NEGR1: variants seen among roughly 807,000 people sequenced by gnomAD.
NEGR1 encodes the protein IgLON family member 4.
Under a neutral mutation model 40.9 loss-of-function variants are expected in NEGR1, and 10 were observed. The observed-to-expected ratio is 0.24, with a 90% confidence interval of 0.15 to 0.42. The LOEUF (loss-of-function observed/expected upper bound fraction) is 0.42, where lower values mean the gene tolerates loss of function less well. NEGR1 is among the 10% of genes least tolerant of loss of function. The probability of loss-of-function intolerance (pLI) is 1.00; values close to 1 mark genes in which losing one functional copy is unlikely to be tolerated. For synonymous variants in NEGR1, 185 were observed against 166.8 expected, an observed-to-expected ratio of 1.11 and a Z score of -0.84; for missense variants, 352 against 438.9, an observed-to-expected ratio of 0.80 and a Z score of 1.77.
intron 1 of NEGR1, among the ~76,000 whole-genome samples, chr1:72,253,877 T>C (rs1018137344): frequency 1.3e-5 from 2 of 152,178 alleles, no homozygotes; most frequent in Admixed American, 6.6e-5. Flanking sequence ...AGATAATCAG[T>C]AAATAGACAC....
chr1:71,736,344 T>C (rs532561861), intron 3 of NEGR1, among the ~76,000 whole-genome samples: 1 of 152,280 alleles, frequency 6.6e-6, no homozygotes, highest in East Asian at 1.9e-4. Context: ...AAGAACTATT[T>C]TTTTCCTTTT....
At chr1:71,515,653 G>A (rs1647116898) in intron 6 of NEGR1, among the ~76,000 whole-genome samples, 1 of 120,358 alleles carries the variant, frequency 8.3e-6, no homozygotes, top group Non-Finnish European at 1.7e-5. Context: ...AGACTAGGAA[G>A]AAACTGCATG....
chr1:71,941,126 T>C (rs1270433081), intron 1 of NEGR1, among the ~76,000 whole-genome samples: 1 of 152,162 alleles, frequency 6.6e-6, no homozygotes, highest in African/African-American at 2.4e-5. Flanking sequence ...TTTACTGCTG[T>C]CTCTTCATTG....
intron 2 of NEGR1, among the ~76,000 whole-genome samples, chr1:71,862,855 C>A (rs189983687): frequency 6.6e-6 from 1 of 152,072 alleles, no homozygotes; most frequent in Non-Finnish European, 1.5e-5. Context: ...AGAAGGTCAA[C>A]GTCACTGATC....
At chr1:72,050,442 A>T (rs1647048564) in intron 1 of NEGR1, among the ~76,000 whole-genome samples, 1 of 151,582 alleles carries the variant, frequency 6.6e-6, no homozygotes, top group African/African-American at 2.4e-5. Context: ...TTTCACTGAA[A>T]GTACATTGCT....
chr1:71,610,442 G>T (rs1190489874), intron 5 of NEGR1, among the ~76,000 whole-genome samples: 3 of 152,134 alleles, frequency 2.0e-5, no homozygotes, highest in Non-Finnish European at 4.4e-5. Flanking sequence ...CAAGGTTTTT[G>T]GGTCTTCTCA....
chr1:71,456,405 G>T (rs1208749301), intron 6 of NEGR1, among the ~76,000 whole-genome samples: 1 of 152,096 alleles, frequency 6.6e-6, no homozygotes, highest in African/African-American at 2.4e-5. Context: ...ATCACACCTG[G>T]CCTCAGTAAG....
chr1:72,043,449 G>A (rs894832605), intron 1 of NEGR1, among the ~76,000 whole-genome samples: 75 of 151,428 alleles, frequency 5.0e-4, no homozygotes, highest in Middle Eastern at 3.4e-3. Flanking sequence ...ATACAGTTGA[G>A]GTAAATGCTT....
intron 2 of NEGR1, among the ~76,000 whole-genome samples, chr1:71,848,907 T>A (rs1448018878): frequency 6.6e-6 from 1 of 151,986 alleles, no homozygotes; most frequent in African/African-American, 2.4e-5. Context: ...CTGACCAACA[T>A]GGTGAACCCC....
At chr1:71,610,836 AG>A (rs1650226550) in intron 5 of NEGR1, among the ~76,000 whole-genome samples, 189 bp downstream of exon 5, 1 of 152,184 alleles carries the variant, frequency 6.6e-6, no homozygotes, top group Non-Finnish European at 1.5e-5. Flanking sequence ...TACAAACCAA[AG>A]TGGACATTTC....
chr1:71,746,009 TCA>T (rs773196375), intron 3 of NEGR1, among the ~76,000 whole-genome samples: 1 of 152,160 alleles, frequency 6.6e-6, no homozygotes, highest in Non-Finnish European at 1.5e-5. Context: ...GTTTCCCCCC[TCA>T]GTCTGGTTGC....
In NEGR1 at chr1:71,952,780, C is replaced by A. The variant is rs1019588195; in HGVS notation, c.177-17469G>T. On this transcript the variant is annotated intron_variant, in intron 1 of 6. Transcript: ENST00000357731. ...TGTTGGGGACTAGTGTAACTGATGA[C>A]TTTAAGTTGAAGCCAATGCTCATTT... is the stretch of plus-strand genomic sequence containing the variant. Among the ~76,000 whole-genome samples, 10 of 151,916 alleles carry A rather than the reference C, an allele frequency of 6.6e-5. No homozygotes were observed. The South Asian group carries it at 2.1e-3, about 32-fold the overall frequency.
At chr1:72,233,630 C>CT (rs1167073320) in intron 1 of NEGR1, among the ~76,000 whole-genome samples, 1 of 152,136 alleles carries the variant, frequency 6.6e-6, no homozygotes, top group East Asian at 1.9e-4. Flanking sequence ...AGATTTCATT[C>CT]TTTTCATGGC....
At chr1:71,871,594 C>A (rs913307242) in intron 2 of NEGR1, among the ~76,000 whole-genome samples, 11 of 152,134 alleles carry the variant, frequency 7.2e-5, no homozygotes, top group African/African-American at 2.7e-4. Context: ...TGTTGTTACT[C>A]ATTAAACAGC....
chr1:71,938,908 C>G (rs1182929131), intron 1 of NEGR1, among the ~76,000 whole-genome samples: 1 of 152,090 alleles, frequency 6.6e-6, no homozygotes, highest in African/African-American at 2.4e-5. Flanking sequence ...ATTCTTCCCA[C>G]AATAAGCAGA....
intron 1 of NEGR1, among the ~76,000 whole-genome samples, chr1:72,192,004 T>C (rs977542600): frequency 1.9e-4 from 29 of 151,970 alleles, no homozygotes; most frequent in Non-Finnish European, 3.4e-4. Context: ...TTATCTCATA[T>C]AAAATTATAG....
chr1:72,031,386 C>T (rs1319400275), intron 1 of NEGR1, among the ~76,000 whole-genome samples: 1 of 152,138 alleles, frequency 6.6e-6, no homozygotes, highest in Non-Finnish European at 1.5e-5. Context: ...GGTGCCATTC[C>T]ACTTTTACTT....
At chr1:71,458,519 T>C (rs1026811227) in intron 6 of NEGR1, among the ~76,000 whole-genome samples, 1 of 152,224 alleles carries the variant, frequency 6.6e-6, no homozygotes, top group African/African-American at 2.4e-5. Flanking sequence ...TGCATTCTAT[T>C]TCTGTATAAT....
intron 3 of NEGR1, among the ~76,000 whole-genome samples, chr1:71,715,291 G>A (rs1215722207): frequency 2.0e-5 from 3 of 152,142 alleles, no homozygotes; most frequent in Non-Finnish European, 4.4e-5. Flanking sequence ...TAGGCCTCTG[G>A]GCCTGTGATG....
Sources: allele counts gnomAD v4.1 joint callset (sites outside exome capture counted in the v4.1 genomes callset), GRCh38; gene constraint gnomAD v4.1.1; transcripts MANE v1.5; gene names NCBI Gene and HGNC (gene_info 2026-07-23, HGNC 2026-07-21).